The following MMP16 variants were observed in gnomAD, a reference collection of about 807,000 sequenced individuals.
MMP16 encodes matrix metallopeptidase 16.
MMP16 carries 12 observed loss-of-function variants against 67.8 expected under a neutral mutation model. The ratio of observed to expected loss-of-function variants is 0.18; its 90% CI spans 0.11 to 0.29. MMP16 has a LOEUF of 0.29. Among genes scored for constraint, MMP16 ranks in the 10% least tolerant of loss-of-function variants. MMP16 has a pLI of 1.00. For missense variants in MMP16, 475 were observed against 765.7 expected (o/e 0.62, Z 4.48); for synonymous variants, 249 against 255.9 (o/e 0.97, Z 0.26).
intron 1 of MMP16, among the ~76,000 whole-genome samples, chr8:88,287,786 A>G (rs1032918578): frequency 6.6e-6 from 1 of 152,218 alleles, no homozygotes; most frequent in Admixed American, 6.5e-5. Flanking sequence ...TGGTGCCCAG[A>G]GCTTTGAGTA....
intron 5 of MMP16, among the ~76,000 whole-genome samples, chr8:88,117,672 A>G (rs1179191060): frequency 6.9e-6 from 1 of 145,318 alleles, no homozygotes; most frequent in Non-Finnish European, 1.5e-5. Flanking sequence ...CAAACTAAAG[A>G]GCAGCACAAA....
chr8:88,289,407 T>C (rs1810885758), intron 1 of MMP16, among the ~76,000 whole-genome samples: 1 of 152,110 alleles, frequency 6.6e-6, no homozygotes, highest in African/African-American at 2.4e-5. Context: ...TAATAGCACA[T>C]GTAGATGACC....
chr8:88,257,362 G>T (rs557733761), intron 1 of MMP16, among the ~76,000 whole-genome samples: 2 of 152,324 alleles, frequency 1.3e-5, no homozygotes, highest in Non-Finnish European at 2.9e-5. Flanking sequence ...CCTTCCAGCA[G>T]TTGGGATCAT....
chr8:88,270,416 C>T (rs568836144), intron 1 of MMP16, among the ~76,000 whole-genome samples: 26 of 152,168 alleles, frequency 1.7e-4, no homozygotes, highest in African/African-American at 6.3e-4. Flanking sequence ...TAGCGTATTC[C>T]CACTGCAACT....
At chr8:88,200,429 T>G (rs1405196928) in intron 1 of MMP16, among the ~76,000 whole-genome samples, 2 of 151,964 alleles carry the variant, frequency 1.3e-5, no homozygotes, top group Non-Finnish European at 2.9e-5. Flanking sequence ...CAACCTCAAA[T>G]GAAGCAATAA....
chr8:88,216,289 G>T (rs1036051551), intron 1 of MMP16, among the ~76,000 whole-genome samples: 1 of 152,096 alleles, frequency 6.6e-6, no homozygotes, highest in Non-Finnish European at 1.5e-5. Flanking sequence ...TCATAAACTT[G>T]TAAAAATTGG....
At chr8:88,169,572 T>C (rs1467649764) in intron 3 of MMP16, among the ~76,000 whole-genome samples, 2 of 152,228 alleles carry the variant, frequency 1.3e-5, no homozygotes, top group African/African-American at 4.8e-5. Flanking sequence ...TTCACTATTT[T>C]CTAATAAATA....
At position 88,036,796 on chromosome 8, in the gene MMP16, A is replaced by G. The variant is rs1277780309; in HGVS notation, c.*4665T>C. On this transcript the variant is annotated 3_prime_UTR_variant, in exon 10 of 10. Coordinates refer to ENST00000286614, the MANE Select transcript of MMP16 (RefSeq NM_005941.5). The stretch of plus-strand genomic sequence containing the variant: ...TATTTGACATCTGTGATACTTTGGA[A>G]TATGCCCTTGAAAGCATCAGAAATG... 6.6e-6 allele frequency: 1 copy of G among 151,750 alleles called. No individual in the cohort carries two copies. Among genetic ancestry groups the G allele is most frequent in the African/African-American group, 2.4e-5 (1 of 41,392 alleles). The allele number at this position is 151,750 out of a possible 1,614,324, so 9.4% of individuals were successfully genotyped here.
At position 88,058,923 on chromosome 8, in the gene MMP16, A is replaced by G. The variant is rs1041322044; in HGVS notation, c.1223-2645T>C. Among the ~76,000 whole-genome samples, 22 of 152,100 alleles carry G rather than the reference A, an allele frequency of 1.4e-4. No individual in the cohort carries two copies. The highest frequency in any genetic ancestry group is 5.1e-4 in the African/African-American group (21 of 41,448). ...AATAAAGTCAGGACATATTTTGGAG[A>G]TGGAATTGATAGGCATTGCCAAGGG... On this transcript the variant is annotated intron_variant, in intron 7 of 9. Coordinates refer to ENST00000286614, the MANE Select transcript of MMP16 (RefSeq NM_005941.5). This position sits in a 1 kb window ranked among gnomAD's most constrained non-coding sequence, Gnocchi z 4.2.
chr8:88,045,424 G>T (rs1808186597), intron 9 of MMP16, among the ~76,000 whole-genome samples: 1 of 152,086 alleles, frequency 6.6e-6, no homozygotes, highest in Non-Finnish European at 1.5e-5. Context: ...AGCCTGGAGT[G>T]CAGGGGCATG....
At chr8:88,278,476 C>T (rs1810682954) in intron 1 of MMP16, among the ~76,000 whole-genome samples, 2 of 152,072 alleles carry the variant, frequency 1.3e-5, no homozygotes, top group Non-Finnish European at 2.9e-5. Flanking sequence ...TGGGGTAAAA[C>T]CAAATCTTTA....
intron 4 of MMP16, among the ~76,000 whole-genome samples, chr8:88,141,514 A>G (rs1192986790): frequency 6.6e-6 from 1 of 152,096 alleles, no homozygotes; most frequent in Non-Finnish European, 1.5e-5. Context: ...CTGAATCCCC[A>G]CCTACAACTA....
At chr8:88,267,824 T>C (rs1017940915) in intron 1 of MMP16, among the ~76,000 whole-genome samples, 1 of 152,192 alleles carries the variant, frequency 6.6e-6, no homozygotes, top group African/African-American at 2.4e-5. Flanking sequence ...ATTAGGGCAA[T>C]ATACTTTGAT....
At chr8:88,115,697 A>G (rs1407292131) in intron 6 of MMP16, among the ~76,000 whole-genome samples, 2 of 152,044 alleles carry the variant, frequency 1.3e-5, no homozygotes, top group African/African-American at 4.8e-5. Context: ...AATAAATAAT[A>G]TTGGCAAAAT....
At chr8:88,300,032 T>C (rs1231445320) in intron 1 of MMP16, among the ~76,000 whole-genome samples, 1 of 152,188 alleles carries the variant, frequency 6.6e-6, no homozygotes, top group Admixed American at 6.5e-5. Flanking sequence ...GTCTTTCATG[T>C]GGGGAAATGC....
intron 1 of MMP16, among the ~76,000 whole-genome samples, chr8:88,235,446 T>C (rs1305073953): frequency 6.6e-6 from 1 of 151,046 alleles, no homozygotes; most frequent in Non-Finnish European, 1.5e-5. Context: ...AAGTAGTAAG[T>C]GATATGCCAG....
chr8:88,176,588 A>G (rs187916457), intron 3 of MMP16, among the ~76,000 whole-genome samples: 1 of 152,296 alleles, frequency 6.6e-6, no homozygotes, highest in East Asian at 1.9e-4. Flanking sequence ...TTGTTTTTGT[A>G]TGGTAAGGGG....
intron 1 of MMP16, among the ~76,000 whole-genome samples, chr8:88,272,015 G>A (rs981811332): frequency 3.3e-5 from 5 of 152,122 alleles, no homozygotes; most frequent in South Asian, 4.1e-4. Flanking sequence ...GAGACAACAC[G>A]CACCTGATAA....
intron 4 of MMP16, among the ~76,000 whole-genome samples, chr8:88,141,060 G>A (rs547887313): frequency 6.6e-6 from 1 of 152,052 alleles, no homozygotes; most frequent in Non-Finnish European, 1.5e-5. Context: ...TGCTAGCCTG[G>A]TACCCAAATT....
Sources: gnomAD v4.1 joint callset for allele counts (sites outside exome capture counted in the v4.1 genomes callset) on GRCh38, gnomAD v4.1.1 for gene constraint, Gnocchi (gnomAD v3.1) non-coding constraint, MANE v1.5 for transcripts, NCBI Gene and HGNC (gene_info 2026-07-23, HGNC 2026-07-21) for gene names.